The following CNTNAP2 variants were observed in gnomAD, a reference collection of about 807,000 sequenced individuals.
CNTNAP2 encodes the protein contactin-associated protein-like 2.
CNTNAP2 carries 98 observed loss-of-function variants against 155.2 expected under a neutral mutation model. The observed-to-expected ratio is 0.63, with a 90% CI of 0.54 to 0.75. The LOEUF is 0.75. Among genes scored for constraint, CNTNAP2 ranks in the 30% least tolerant of loss-of-function variants. The pLI, the probability that CNTNAP2 is intolerant of heterozygous loss-of-function variation, is 0.00. For synonymous variants in CNTNAP2, 651 were observed against 631.2 expected (o/e 1.03, Z -0.47); for missense variants, 1,727 against 1,688.1 (o/e 1.02, Z -0.40).
Position 146,940,218 on chromosome 7 carries a change from A to G in CNTNAP2, c.402+100314A>G, listed in dbSNP as rs139809626. Among the ~76,000 whole-genome samples, 959 of 151,572 alleles carry G rather than the reference A, an allele frequency of 6.3e-3. 11 individuals are homozygous for G. The highest frequency in any genetic ancestry group is 0.022 in the African/African-American group (916 of 41,362). The stretch of plus-strand genomic sequence containing the variant: ...TTTTATTTTTATTATTTATTTATTT[A>G]TTTTTTGAGATGGAGTCTTGCTCTG... On this transcript the variant is annotated intron_variant, in intron 3 of 23. Coordinates refer to ENST00000361727, the MANE Select transcript of CNTNAP2 (RefSeq NM_014141.6).
intron 3 of CNTNAP2, among the ~76,000 whole-genome samples, chr7:146,917,410 G>T (rs1489704127): frequency 6.6e-6 from 1 of 152,042 alleles, no homozygotes; most frequent in Non-Finnish European, 1.5e-5. Flanking sequence ...GAGTATTGAG[G>T]TCCCCCAGTA....
At chr7:148,261,778 G>A (rs1256295310) in intron 20 of CNTNAP2, among the ~76,000 whole-genome samples, 1 of 152,118 alleles carries the variant, frequency 6.6e-6, no homozygotes, top group African/African-American at 2.4e-5. Flanking sequence ...AGACGCTAGG[G>A]TCACAGAGGG....
Position 147,696,498 on chromosome 7 carries a change from CATT to C in CNTNAP2, c.2098+57204_2098+57206del, listed in dbSNP as rs557920290. ...ATCCCTCCTCCATATACATAGAGTA[CATT>C]ATTATTATTATCATGAACAACCTGT... On this transcript the variant is annotated intron_variant, in intron 13 of 23. Coordinates refer to ENST00000361727, the MANE Select transcript of CNTNAP2 (RefSeq NM_014141.6). Among the ~76,000 whole-genome samples, 8 of 152,082 alleles carry C rather than the reference CATT, an allele frequency of 5.3e-5. No homozygotes were observed. In the South Asian group the frequency reaches 1.2e-3, roughly 24 times the overall value.
intron 1 of CNTNAP2, among the ~76,000 whole-genome samples, chr7:146,526,558 T>C (rs1235825913): frequency 6.6e-6 from 1 of 152,088 alleles, no homozygotes; most frequent in Non-Finnish European, 1.5e-5. Flanking sequence ...GGGATGGTGC[T>C]CAACCATTCC....
chr7:147,533,752 G>A (rs1799486934), intron 11 of CNTNAP2, among the ~76,000 whole-genome samples: 1 of 150,390 alleles, frequency 6.6e-6, no homozygotes, highest in Non-Finnish European at 1.5e-5. Flanking sequence ...CATTGCCTCA[G>A]TGATAGCAGA....
chr7:146,511,235 A>C (rs369348206), intron 1 of CNTNAP2, among the ~76,000 whole-genome samples: 4 of 152,190 alleles, frequency 2.6e-5, no homozygotes, highest in African/African-American at 9.6e-5. Flanking sequence ...ATCTGTGAAC[A>C]GGAGTATTTT....
intron 13 of CNTNAP2, among the ~76,000 whole-genome samples, chr7:147,879,767 C>T (rs932685718): frequency 1.3e-5 from 2 of 152,190 alleles, no homozygotes; most frequent in African/African-American, 4.8e-5. Flanking sequence ...AAAAATACAG[C>T]AGCATAATAA....
intron 8 of CNTNAP2, among the ~76,000 whole-genome samples, chr7:147,246,105 A>ATACATATATATGGCATATATATATT (rs1563132049): frequency 1.5e-4 from 22 of 150,416 alleles, no homozygotes; most frequent in Non-Finnish European, 3.0e-4. Context: ...ATATATATAT[A>ATACATATATATGGCATATATATATT]TACACACATA....
At chr7:146,401,717 C>T (rs1056149019) in intron 1 of CNTNAP2, among the ~76,000 whole-genome samples, 1 of 152,074 alleles carries the variant, frequency 6.6e-6, no homozygotes, top group Non-Finnish European at 1.5e-5. Context: ...CATTTTCATT[C>T]CATGAAATTT....
chr7:148,208,165 G>A (rs1361094124), intron 18 of CNTNAP2, among the ~76,000 whole-genome samples: 2 of 152,148 alleles, frequency 1.3e-5, no homozygotes, highest in African/African-American at 4.8e-5. Context: ...TGACAGAGCT[G>A]TGCCCAAGAG....
intron 8 of CNTNAP2, among the ~76,000 whole-genome samples, chr7:147,218,638 T>G (rs1803327710): frequency 6.6e-6 from 1 of 152,132 alleles, no homozygotes; most frequent in South Asian, 2.1e-4. Context: ...TGTGTTTTAT[T>G]GCCTAGAATA....
intron 4 of CNTNAP2, among the ~76,000 whole-genome samples, chr7:147,077,220 A>G (rs1423594539): frequency 2.0e-5 from 3 of 152,130 alleles, no homozygotes; most frequent in Non-Finnish European, 2.9e-5. Flanking sequence ...AAACAAATTT[A>G]TTATTTAAAA....
chr7:146,900,327 G>A (rs1403701757), intron 3 of CNTNAP2, among the ~76,000 whole-genome samples: 5 of 152,018 alleles, frequency 3.3e-5, no homozygotes, highest in Non-Finnish European at 7.4e-5. Context: ...GCCTTATTAC[G>A]ATCCAACTCA....
At chr7:146,383,494 C>A (rs1372754624) in intron 1 of CNTNAP2, among the ~76,000 whole-genome samples, 1 of 151,940 alleles carries the variant, frequency 6.6e-6, no homozygotes. Flanking sequence ...TTATTTATTT[C>A]ATAAAAAATT....
rs560631925 is a variant in CNTNAP2 at position 146,765,177 on chromosome 7, G to T, written c.98-9094G>T. Among the ~76,000 whole-genome samples, 4 of 152,260 alleles carry T rather than the reference G, an allele frequency of 2.6e-5. No homozygotes were observed. The South Asian group carries it at 8.3e-4, about 32-fold the overall frequency. On this transcript the variant is annotated intron_variant, in intron 1 of 23. Transcript: ENST00000361727. ...GTTTCAAGTCTCAAAAAACTCATTTGCTGGAGCCAAGATATTTAAAAAGTC... is the reference window on the plus strand; with the variant it reads ...GTTTCAAGTCTCAAAAAACTCATTTTCTGGAGCCAAGATATTTAAAAAGTC...
chr7:147,640,905 G>A (rs1396770078), intron 13 of CNTNAP2, among the ~76,000 whole-genome samples: 2 of 152,136 alleles, frequency 1.3e-5, no homozygotes, highest in Non-Finnish European at 2.9e-5. Context: ...GACCGGGCAC[G>A]TTATTCACGT....
At position 147,132,401 on chromosome 7, in the gene CNTNAP2, C is replaced by T. The variant is rs1335132328; in HGVS notation, c.1240C>T (p.His414Tyr). Residue 414 changes from histidine to tyrosine, a missense_variant, in exon 8 of 24, where the codon CAC becomes TAC. Transcript: ENST00000361727. ...WNPNGLLVFS[H>Y]FADNLGNVEI... is the part of the protein sequence containing the mutation. ...CCCCAATGGTCTCCTGGTCTTCAGT[C>T]ACTTTGCGGATAATTTGGGCAATGT... 1 of 1,613,684 alleles carries T rather than the reference C, an allele frequency of 6.2e-7. No individual in the cohort carries two copies. The highest frequency in any genetic ancestry group is 1.3e-5 in the African/African-American group (1 of 74,976).
intron 10 of CNTNAP2, among the ~76,000 whole-genome samples, chr7:147,445,849 C>T (rs1280143997): frequency 6.6e-6 from 1 of 152,014 alleles, no homozygotes; most frequent in African/African-American, 2.4e-5. Context: ...GGCTAGAGTG[C>T]AGTGGCATGA....
intron 1 of CNTNAP2, among the ~76,000 whole-genome samples, chr7:146,672,787 T>G (rs2129168403): frequency 6.6e-6 from 1 of 152,310 alleles, no homozygotes; most frequent in East Asian, 1.9e-4. Context: ...TTCTCAAAAC[T>G]TATTTTATAT....
Sources: gnomAD v4.1 joint callset for allele counts (sites outside exome capture counted in the v4.1 genomes callset) on GRCh38, gnomAD v4.1.1 for gene constraint, MANE v1.5 for transcripts, NCBI Gene and HGNC (gene_info 2026-07-23, HGNC 2026-07-21) for gene names.